ABI1: variants seen among roughly 807,000 people sequenced by gnomAD.
The protein encoded by ABI1 is Abelson interactor 1.
Under a neutral mutation model 54.6 loss-of-function variants are expected in ABI1, and 14 were observed. The ratio of observed to expected loss-of-function variants is 0.26; its 90% CI spans 0.17 to 0.40. ABI1 has a LOEUF of 0.40. Ranked by LOEUF, ABI1 falls within the 10% of genes least tolerant of loss-of-function variation. The probability of loss-of-function intolerance (pLI) is 1.00; values close to 1 mark genes in which losing one functional copy is unlikely to be tolerated. For synonymous variants in ABI1, 194 were observed against 209.3 expected (o/e 0.93, Z 0.63); for missense variants, 443 against 598.3 (o/e 0.74, Z 2.71).
chr10:26,854,042 C>A (rs1438201998), intron 1 of ABI1, among the ~76,000 whole-genome samples: 1 of 152,172 alleles, frequency 6.6e-6, no homozygotes, highest in Non-Finnish European at 1.5e-5. Context: ...AATGGTCACA[C>A]AGCAGATCCC....
intron 2 of ABI1, among the ~76,000 whole-genome samples, chr10:26,811,849 GT>G (rs1164821393): frequency 6.6e-6 from 1 of 152,018 alleles, no homozygotes; most frequent in Non-Finnish European, 1.5e-5. Flanking sequence ...GCAAAGATTT[GT>G]ATAAAGTTTT....
intron 3 of ABI1, among the ~76,000 whole-genome samples, chr10:26,774,755 A>G (rs1189338693): frequency 1.3e-5 from 2 of 152,108 alleles, no homozygotes; most frequent in Non-Finnish European, 2.9e-5. Flanking sequence ...GCAATGGAAT[A>G]TTAATCTTGG....
At chr10:26,775,362 G>A (rs960813278) in intron 3 of ABI1, among the ~76,000 whole-genome samples, 1 of 151,536 alleles carries the variant, frequency 6.6e-6, no homozygotes, top group South Asian at 2.1e-4. Flanking sequence ...TTCATCCCTC[G>A]CCAAAAATAT....
rs554001935 is a variant in ABI1 at position 26,856,083 on chromosome 10, C to T, written c.117+4664G>A. Among the ~76,000 whole-genome samples the T allele has an allele frequency of 4.9e-4, 73 of 148,896 alleles. 1 individual carries two copies. Among genetic ancestry groups the T allele is most frequent in the African/African-American group, 1.5e-3 (62 of 40,104 alleles). On this transcript the variant is annotated intron_variant, in intron 1 of 10. Transcript: ENST00000376140. Reference sequence around the variant, plus strand: ...CAGTGGATCACCTGAGGCCAGAGTTCGAGATCAGCCTGGCCAACATGGTGA... The same window carrying T: ...CAGTGGATCACCTGAGGCCAGAGTTTGAGATCAGCCTGGCCAACATGGTGA...
intron 1 of ABI1, among the ~76,000 whole-genome samples, chr10:26,859,100 T>C (rs2051089946): frequency 6.6e-6 from 1 of 152,230 alleles, no homozygotes; most frequent in Non-Finnish European, 1.5e-5. Flanking sequence ...ATCACTTTTA[T>C]ATTTGCAAAC....
chr10:26,763,518 T>C (rs938915620), intron 7 of ABI1, among the ~76,000 whole-genome samples: 3 of 152,056 alleles, frequency 2.0e-5, no homozygotes, highest in Non-Finnish European at 4.4e-5. Context: ...TCTCCTCCTG[T>C]CCCCACCTTC....
At position 26,814,770 on chromosome 10, in the gene ABI1, TA is replaced by T. The variant is rs565285046; in HGVS notation, c.285+8367del. ...AAAATTGTTAAAATAGAAAACTTTA[TA>T]AATCTAAAACATGTCAACACACAAA... On this transcript the variant is annotated intron_variant, in intron 2 of 10. Coordinates refer to ENST00000376140, the MANE Select transcript of ABI1 (RefSeq NM_001012750.3). Among the ~76,000 whole-genome samples the T allele has an allele frequency of 7.9e-5, 12 of 152,248 alleles. No homozygotes were observed. In the South Asian group the frequency reaches 2.5e-3, roughly 32 times the overall value.
At chr10:26,831,588 T>C (rs945640353) in intron 1 of ABI1, among the ~76,000 whole-genome samples, 1 of 152,236 alleles carries the variant, frequency 6.6e-6, no homozygotes, top group African/African-American at 2.4e-5. Flanking sequence ...TTATTCCATA[T>C]GATCTAAGAT....
At chr10:26,796,543 A>G (rs1030547797) in intron 2 of ABI1, among the ~76,000 whole-genome samples, 2 of 151,882 alleles carry the variant, frequency 1.3e-5, no homozygotes, top group African/African-American at 4.8e-5. Flanking sequence ...GCGTAAGTAC[A>G]CTCTATGATG....
chr10:26,761,661 TACACACACAC>T (rs1554806654), intron 7 of ABI1, among the ~76,000 whole-genome samples: 101 of 78,710 alleles, frequency 1.3e-3, no homozygotes, highest in South Asian at 4.0e-3. Flanking sequence ...TATATATATA[TACACACACAC>T]ATACACATAT....
intron 6 of ABI1, among the ~76,000 whole-genome samples, chr10:26,767,166 A>G (rs960312509): frequency 1.3e-5 from 2 of 152,232 alleles, no homozygotes; most frequent in African/African-American, 2.4e-5. Flanking sequence ...TGCTTCCACT[A>G]TAGAGAAAAA....
At chr10:26,830,083 C>G (rs2048564523) in intron 1 of ABI1, among the ~76,000 whole-genome samples, 1 of 152,132 alleles carries the variant, frequency 6.6e-6, no homozygotes, top group East Asian at 1.9e-4. Flanking sequence ...CTGGCTTCTT[C>G]CACTTAGCAG....
intron 2 of ABI1, among the ~76,000 whole-genome samples, chr10:26,814,192 A>C (rs185927538): frequency 6.6e-6 from 1 of 152,314 alleles, no homozygotes; most frequent in African/African-American, 2.4e-5. Context: ...AATTTTGAAG[A>C]CTCTGATTAC....
chr10:26,804,322 G>A (rs2046748115), intron 2 of ABI1, among the ~76,000 whole-genome samples: 1 of 151,902 alleles, frequency 6.6e-6, no homozygotes, highest in African/African-American at 2.4e-5. Flanking sequence ...GACAGAGGTT[G>A]CAGTGAGCTT....
At chr10:26,815,507 T>A (rs1468443969) in intron 2 of ABI1, among the ~76,000 whole-genome samples, 1 of 152,234 alleles carries the variant, frequency 6.6e-6, no homozygotes, top group African/African-American at 2.4e-5. Context: ...GAAAATGTTT[T>A]GTTACTGAAA....
intron 6 of ABI1, among the ~76,000 whole-genome samples, chr10:26,765,782 T>C (rs1452046151): frequency 6.6e-6 from 1 of 152,078 alleles, no homozygotes; most frequent in Non-Finnish European, 1.5e-5. Context: ...AAGTTATTCA[T>C]CACAAATCTT....
At chr10:26,859,599 A>G (rs937882167) in intron 1 of ABI1, among the ~76,000 whole-genome samples, 12 of 152,246 alleles carry the variant, frequency 7.9e-5, no homozygotes, top group Non-Finnish European at 4.4e-5. Context: ...TCTTCAAAAC[A>G]AACTACCACA....
chr10:26,835,711 T>C (rs2133980530), intron 1 of ABI1, among the ~76,000 whole-genome samples: 1 of 152,196 alleles, frequency 6.6e-6, no homozygotes, highest in South Asian at 2.1e-4. Context: ...TTTTTAATAT[T>C]CTATTTTTCT....
chr10:26,764,289 T>C (rs1018908592), intron 7 of ABI1, among the ~76,000 whole-genome samples: 1 of 152,186 alleles, frequency 6.6e-6, no homozygotes, highest in Non-Finnish European at 1.5e-5. Context: ...TTTCATTTAC[T>C]AAAAATCAAG....
Sources: gnomAD v4.1 joint callset for allele counts (sites outside exome capture counted in the v4.1 genomes callset) on GRCh38, gnomAD v4.1.1 for gene constraint, MANE v1.5 for transcripts, NCBI Gene and HGNC (gene_info 2026-07-23, HGNC 2026-07-21) for gene names.